HERC2: variants seen among roughly 807,000 people sequenced by gnomAD.
HERC2 encodes the protein E3 ubiquitin-protein ligase HERC2.
HERC2 carries 102 observed loss-of-function variants against 537.7 expected under a neutral mutation model. The observed-to-expected ratio is 0.19, with a 90% CI of 0.16 to 0.22. HERC2 has a LOEUF of 0.22. HERC2 is among the 10% of genes least tolerant of loss of function. The pLI is 1.00. For missense variants in HERC2, 4,236 were observed against 6,198.2 expected, an observed-to-expected ratio of 0.68 and a Z score of 10.63; for synonymous variants, 2,224 against 2,466.2, an observed-to-expected ratio of 0.90 and a Z score of 2.91.
intron 35 of HERC2, among the ~76,000 whole-genome samples, chr15:28,222,696 G>C (rs1900653391): frequency 6.6e-6 from 1 of 152,004 alleles, no homozygotes; most frequent in African/African-American, 2.4e-5. Flanking sequence ...ATCTCAGGAG[G>C]GCTCTCCCAT....
At chr15:28,308,126 C>A (rs183072631) in intron 2 of HERC2, among the ~76,000 whole-genome samples, 2 of 151,864 alleles carry the variant, frequency 1.3e-5, no homozygotes, top group Non-Finnish European at 2.9e-5. Flanking sequence ...TGCACTGAAT[C>A]GGTAGATTGC....
chr15:28,238,512 A>T (rs1364641506), intron 24 of HERC2, 90 bp downstream of exon 24: 2 of 1,104,188 alleles, frequency 1.8e-6, no homozygotes, highest in African/African-American at 1.6e-5. Flanking sequence ...GGCTGGCACA[A>T]AACTAAAGAA....
At chr15:28,225,136 C>T (rs1341184210) in intron 35 of HERC2, among the ~76,000 whole-genome samples, 1 of 152,132 alleles carries the variant, frequency 6.6e-6, no homozygotes, top group Non-Finnish European at 1.5e-5. Context: ...ACCTGTAATC[C>T]CAGCACTTTG....
At position 28,132,104 on chromosome 15, in the gene HERC2, A is replaced by G. The variant is rs376611895; in HGVS notation, c.12566T>C (p.Met4189Thr). 1.2e-6 allele frequency: 2 copies of G among 1,603,666 alleles called. No homozygotes were observed. The highest frequency in any genetic ancestry group is 1.7e-6 in the Non-Finnish European group (2 of 1,172,786). The change falls in exon 81 of 93, where the codon ATG becomes ACG. Residue 4189 changes from methionine (M) to threonine (T), a missense_variant. Physicochemically the swap from Met to Thr is moderately conservative, Grantham distance 81. This residue lies in a region of HERC2 where 38 missense variants were observed against 36.7 expected (regional missense o/e 1.04). Coordinates refer to ENST00000261609, the MANE Select transcript of HERC2 (RefSeq NM_004667.6). ...CAGGGAAAGAATGGGAAATACCTTC[A>G]TAGGCACTTTACAGCCATCGCTGCC... ...RGGSDGCKVP[M>T]KIDSLTGLGV... is the part of the protein sequence containing the mutation.
intron 50 of HERC2, among the ~76,000 whole-genome samples, chr15:28,197,858 T>C (rs941930817): frequency 2.0e-5 from 3 of 152,190 alleles, no homozygotes; most frequent in Non-Finnish European, 4.4e-5. Flanking sequence ...GGCCACTCTG[T>C]GACTGATGAA....
chr15:28,276,645 T>C (rs1207237285), intron 5 of HERC2, among the ~76,000 whole-genome samples: 5 of 151,922 alleles, frequency 3.3e-5, no homozygotes, highest in East Asian at 1.9e-4. Context: ...TGAGGCAGAA[T>C]TGCTTGAACC....
At chr15:28,198,259 ACT>A (rs1897539986) in intron 50 of HERC2, 117 bp downstream of exon 50, 6 of 1,173,264 alleles carry the variant, frequency 5.1e-6, no homozygotes, top group East Asian at 2.4e-5. Context: ...GCAAAGGAAC[ACT>A]CTATCTTTCT....
At chr15:28,166,692 G>T (rs1390314901) in intron 68 of HERC2, among the ~76,000 whole-genome samples, 2 of 152,124 alleles carry the variant, frequency 1.3e-5, no homozygotes, top group African/African-American at 4.8e-5. Flanking sequence ...CAGTCCACAG[G>T]GATCCCAATG....
rs757549294 is a variant in HERC2, at chr15:28,299,404, T to C, written c.185A>G (p.Lys62Arg). ...STQNGELPPR[K>R]DDSVEPSGTK... ...AAACACTAGTTAAAGGCCCTTACCT[T>C]TTCTAGGAGGGAGCTCTCCGTTCTG... Residue 62 changes from lysine (K) to arginine (R), a missense_variant and splice_region_variant, in exon 3 of 93, where the codon AAA (lysine) becomes AGA (arginine). By Grantham distance (26) the Lys-to-Arg change is conservative. Transcript: ENST00000261609. The C allele has an allele frequency of 4.6e-6, 7 of 1,524,462 alleles. No individual in the cohort carries two copies. Among genetic ancestry groups the C allele is most frequent in the Non-Finnish European group, 6.3e-6 (7 of 1,102,572 alleles). The allele number at this position is 1,524,462 out of a possible 1,614,324, so 94.4% of individuals were successfully genotyped here.
intron 2 of HERC2, among the ~76,000 whole-genome samples, chr15:28,311,704 T>TG (rs1318413843): frequency 6.6e-6 from 1 of 151,822 alleles, no homozygotes; most frequent in Non-Finnish European, 1.5e-5. Flanking sequence ...AGTCAACAAA[T>TG]GGACTGTAGG....
intron 50 of HERC2, among the ~76,000 whole-genome samples, chr15:28,197,981 T>C (rs1209224422): frequency 1.3e-5 from 2 of 152,182 alleles, no homozygotes; most frequent in Non-Finnish European, 2.9e-5. Flanking sequence ...ACTACTTCCT[T>C]ACCAATCATG....
intron 70 of HERC2, among the ~76,000 whole-genome samples, chr15:28,148,597 AT>A (rs1469331979): frequency 6.6e-6 from 1 of 152,212 alleles, no homozygotes; most frequent in Non-Finnish European, 1.5e-5. Flanking sequence ...ATGAACGTAC[AT>A]TCTGGTGAAA....
chr15:28,316,827 A>T (rs2077100298), intron 2 of HERC2, among the ~76,000 whole-genome samples: 1 of 152,192 alleles, frequency 6.6e-6, no homozygotes, highest in African/African-American at 2.4e-5. Context: ...ACCAGGCTGT[A>T]GTGCAGTGGC....
In HERC2 at chr15:28,124,119, A is replaced by T; in HGVS notation, c.13106T>A (p.Leu4369Gln). 1 of 1,607,144 alleles carries T rather than the reference A, an allele frequency of 6.2e-7. No homozygotes were observed. ...TCCAGTTTCGTCGAGCGAGCCTTCCAGGTCGAACATGGGGATGCAGGGGCA... is the reference window on the plus strand; with the variant it reads ...TCCAGTTTCGTCGAGCGAGCCTTCCTGGTCGAACATGGGGATGCAGGGGCA... ...LFCPCIPMFD[L>Q]EGSLDETGLG... The change falls in exon 85 of 93, where the codon CTG becomes CAG. Residue 4369 changes from leucine to glutamine, a missense_variant. By Grantham distance (113) the Leu-to-Gln change is moderately radical (BLOSUM62 -2). Around this residue, in one of 27 missense-constraint regions of HERC2, gnomAD observed 189 missense variants for 255.7 expected, o/e 0.74. Coordinates refer to ENST00000261609, the MANE Select transcript of HERC2 (RefSeq NM_004667.6).
At chr15:28,271,622 T>A (rs2075730996) in intron 9 of HERC2, among the ~76,000 whole-genome samples, 1 of 151,422 alleles carries the variant, frequency 6.6e-6, no homozygotes, top group Non-Finnish European at 1.5e-5. Flanking sequence ...TGAGCCGAGA[T>A]CACGCCACTG....
chr15:28,150,291 G>A (rs559494690), intron 70 of HERC2, among the ~76,000 whole-genome samples: 2 of 149,596 alleles, frequency 1.3e-5, no homozygotes, highest in South Asian at 2.1e-4. Context: ...ACATCACTGA[G>A]GACGGCCACA....
At chr15:28,304,247 A>G (rs1264063587) in intron 2 of HERC2, among the ~76,000 whole-genome samples, 1 of 150,896 alleles carries the variant, frequency 6.6e-6, no homozygotes, top group African/African-American at 2.4e-5. Context: ...AATTTTACTG[A>G]ATTTATCAGT....
In HERC2 at chr15:28,245,560, A is replaced by AT. The variant is rs1491419442; in HGVS notation, c.3577+320_3577+321insA. 1.4e-3 allele frequency among the ~76,000 whole-genome samples: 138 copies of AT among 98,786 alleles called. 1 individual carries two copies. Among genetic ancestry groups the AT allele is most frequent in the Middle Eastern group, 8.5e-3 (2 of 234 alleles). 64.8% of individuals were successfully genotyped at this position (98,786 alleles called of 152,430 possible). ...AGATGTAGTGTCAAAAAAAAAAAAA[A>AT]ATATATACACACACACACACACACA... On this transcript the variant is annotated intron_variant, in intron 23 of 92. Coordinates refer to ENST00000261609, the MANE Select transcript of HERC2 (RefSeq NM_004667.6).
intron 88 of HERC2, among the ~76,000 whole-genome samples, chr15:28,116,223 T>C (rs1358401160): frequency 1.0e-4 from 1 of 9,550 alleles, no homozygotes; most frequent in Non-Finnish European, 0.031. Context: ...TTTCTTTTTC[T>C]TTTTTTTTTT....
Sources: gnomAD v4.1 joint callset for allele counts (sites outside exome capture counted in the v4.1 genomes callset) on GRCh38, gnomAD v4.1.1 for gene constraint, gnomAD v4.1.1 regional missense constraint, MANE v1.5 for transcripts, NCBI Gene and HGNC (gene_info 2026-07-23, HGNC 2026-07-21) for gene names.